PACS1: variants seen among roughly 807,000 people sequenced by gnomAD.
PACS1 encodes the protein PACS-1.
In PACS1, 24 loss-of-function variants were observed where a neutral mutation model predicts 115.0. The ratio of observed to expected loss-of-function variants is 0.21; its 90% CI spans 0.15 to 0.29. PACS1 has a LOEUF of 0.29. PACS1 is among the 10% of genes least tolerant of loss of function. PACS1 has a pLI of 1.00. For missense variants in PACS1, 838 were observed against 1,251.2 expected (o/e 0.67, Z 4.98); for synonymous variants, 453 against 504.5 (o/e 0.90, Z 1.37).
At chr11:66,078,962 C>T (rs977593663) in intron 1 of PACS1, among the ~76,000 whole-genome samples, 1 of 152,174 alleles carries the variant, frequency 6.6e-6, no homozygotes, top group Non-Finnish European at 1.5e-5. Context: ...GGCTGGAGTG[C>T]AGTGGCGCTA....
intron 1 of PACS1, among the ~76,000 whole-genome samples, chr11:66,161,226 G>T (rs1337087738): frequency 6.6e-6 from 1 of 152,096 alleles, no homozygotes; most frequent in Non-Finnish European, 1.5e-5. Context: ...GGCAAGAAGT[G>T]CTACAGGGGA....
intron 1 of PACS1, among the ~76,000 whole-genome samples, chr11:66,149,500 G>C (rs891363385): frequency 6.6e-6 from 1 of 151,872 alleles, no homozygotes; most frequent in Admixed American, 6.6e-5. Context: ...TTTTCCTACT[G>C]TGTGTTTCTA....
chr11:66,190,554 T>A (rs975391990), intron 1 of PACS1, among the ~76,000 whole-genome samples: 12 of 152,090 alleles, frequency 7.9e-5, no homozygotes, highest in African/African-American at 2.7e-4. Flanking sequence ...GCCTCCCACA[T>A]TTCTTTTTAT....
chr11:66,153,146 G>A (rs1051026925), intron 1 of PACS1, among the ~76,000 whole-genome samples: 2 of 151,762 alleles, frequency 1.3e-5, no homozygotes, highest in Non-Finnish European at 2.9e-5. Context: ...TGAGATGGGG[G>A]TCTCACTATG....
intron 22 of PACS1, among the ~76,000 whole-genome samples, chr11:66,241,894 T>G (rs549993311): frequency 5.9e-5 from 9 of 152,244 alleles, no homozygotes; most frequent in African/African-American, 1.9e-4. Context: ...TCCAGTACTT[T>G]AGGGGCTGAG....
intron 1 of PACS1, among the ~76,000 whole-genome samples, chr11:66,109,507 T>G (rs893157735): frequency 7.2e-5 from 11 of 152,220 alleles, no homozygotes; most frequent in Admixed American, 2.0e-4. Flanking sequence ...ACCATCATTA[T>G]TGTCATCACC....
chr11:66,238,883 T>A, intron 20 of PACS1, 37 bp downstream of exon 20: 13 of 1,546,406 alleles, frequency 8.4e-6, no homozygotes, highest in Non-Finnish European at 1.1e-5. Context: ...GGAGTGAGGC[T>A]GGTGCCCTCC....
chr11:66,176,059 A>T (rs557531507), intron 1 of PACS1, among the ~76,000 whole-genome samples: 88 of 152,136 alleles, frequency 5.8e-4, no homozygotes, highest in Non-Finnish European at 8.5e-4. Flanking sequence ...CCAAAAATAT[A>T]GACATTATTT....
At chr11:66,214,484 T>C (rs1194418585) in intron 4 of PACS1, among the ~76,000 whole-genome samples, 33 of 151,922 alleles carry the variant, frequency 2.2e-4, no homozygotes, top group Non-Finnish European at 1.0e-4. Context: ...CAACCATTTC[T>C]TTCCTTCCTT....
At chr11:66,231,270 G>C (rs1046310735) in intron 13 of PACS1, among the ~76,000 whole-genome samples, 4 of 152,242 alleles carry the variant, frequency 2.6e-5, no homozygotes, top group African/African-American at 9.6e-5. Context: ...AGATTGTGCC[G>C]TGAATCCACT....
chr11:66,208,701 A>C (rs1855002676), intron 2 of PACS1, among the ~76,000 whole-genome samples: 1 of 151,320 alleles, frequency 6.6e-6, no homozygotes, highest in Non-Finnish European at 1.5e-5. Context: ...AAAGGAAGGA[A>C]GGAAAGAAAG....
intron 1 of PACS1, among the ~76,000 whole-genome samples, chr11:66,165,428 C>T (rs532135981): frequency 1.3e-5 from 2 of 152,302 alleles, no homozygotes; most frequent in South Asian, 4.1e-4. Context: ...AATCCCATTG[C>T]TTTAAATACC....
At chr11:66,094,656 A>C (rs1339531069) in intron 1 of PACS1, among the ~76,000 whole-genome samples, 1 of 152,248 alleles carries the variant, frequency 6.6e-6, no homozygotes, top group Non-Finnish European at 1.5e-5. Flanking sequence ...AAACTATTCC[A>C]ATCAACAGAA....
intron 1 of PACS1, among the ~76,000 whole-genome samples, chr11:66,143,556 T>C (rs1000714039): frequency 6.6e-6 from 1 of 152,154 alleles, no homozygotes; most frequent in Non-Finnish European, 1.5e-5. Flanking sequence ...CAGGAAGAAA[T>C]GAATGGGAAA....
intron 1 of PACS1, among the ~76,000 whole-genome samples, chr11:66,132,832 C>T (rs1858734664): frequency 6.6e-6 from 1 of 152,168 alleles, no homozygotes; most frequent in Non-Finnish European, 1.5e-5. Context: ...CCACGCCCAG[C>T]TAATTTTGTA....
chr11:66,181,821 A>G (rs1027787459), intron 1 of PACS1, among the ~76,000 whole-genome samples: 1 of 152,126 alleles, frequency 6.6e-6, no homozygotes, highest in Non-Finnish European at 1.5e-5. Context: ...TCAGTCACTG[A>G]GACACATGTA....
chr11:66,235,297 G>A lies in PACS1; in HGVS notation c.2105-4G>A, dbSNP rs756273807. 6.2e-7 allele frequency: 1 copy of A among 1,612,502 alleles called. No homozygotes were observed. Among genetic ancestry groups the A allele is most frequent in the Admixed American group, 1.7e-5 (1 of 59,986 alleles). ...CAGTTAGTGATCTCTTGGCTTTTCT[G>A]CAGAGCAACTGGACGTGGCAGGGCG... is the stretch of plus-strand genomic sequence containing the variant. On this transcript the variant is annotated splice_polypyrimidine_tract_variant and splice_region_variant and intron_variant, in intron 17 of 23. Transcript: ENST00000320580. The surrounding 1 kb of genome is among the most constrained non-coding windows in gnomAD (Gnocchi z 5.6).
At chr11:66,136,368 A>T (rs1858847548) in intron 1 of PACS1, among the ~76,000 whole-genome samples, 1 of 149,044 alleles carries the variant, frequency 6.7e-6, no homozygotes, top group Non-Finnish European at 1.5e-5. Context: ...AAACCAAAAC[A>T]AACCAAAATA....
intron 1 of PACS1, among the ~76,000 whole-genome samples, chr11:66,140,053 G>A (rs528835145): frequency 1.3e-5 from 2 of 152,190 alleles, no homozygotes; most frequent in Admixed American, 1.3e-4. Context: ...ATCTGATAAC[G>A]TGGCTTTTGC....
Sources: allele counts gnomAD v4.1 joint callset (sites outside exome capture counted in the v4.1 genomes callset), GRCh38; gene constraint gnomAD v4.1.1; non-coding constraint Gnocchi (gnomAD v3.1); transcripts MANE v1.5; gene names NCBI Gene and HGNC (gene_info 2026-07-23, HGNC 2026-07-21).